The following AAR2 variants were observed in gnomAD, a reference collection of about 807,000 sequenced individuals.
AAR2 encodes the protein protein AAR2 homolog.
Under a neutral mutation model 26.9 loss-of-function variants are expected in AAR2, and 31 were observed. The ratio of observed to expected loss-of-function variants is 1.15; its 90% CI spans 0.86 to 1.55. The LOEUF is 1.55. AAR2 is among the 40% of genes most tolerant of loss of function. The pLI is 0.00. For missense variants in AAR2, 430 were observed against 491.3 expected (o/e 0.88, Z 1.18); for synonymous variants, 188 against 196.1 (o/e 0.96, Z 0.34).
intron 1 of AAR2, 73 bp from the exon 2 acceptor site, chr20:36,239,736 TCAATATCTGGCA>T: frequency 9.3e-7 from 1 of 1,078,530 alleles, no homozygotes; most frequent in South Asian, 1.8e-5. Context: ...GGGGTCTAAC[TCAATATCTGGCA>T]CATACAGAAT....
intron 2 of AAR2, among the ~76,000 whole-genome samples, chr20:36,242,831 C>T (rs2064696946): frequency 6.8e-6 from 1 of 147,556 alleles, no homozygotes; most frequent in African/African-American, 2.5e-5. Flanking sequence ...GCGAAAAGGT[C>T]TGTTACAGGA....
intron 3 of AAR2, among the ~76,000 whole-genome samples, chr20:36,251,547 C>T (rs1292926652): frequency 1.3e-5 from 2 of 152,122 alleles, no homozygotes; most frequent in Non-Finnish European, 2.9e-5. Flanking sequence ...ATGGATTAAG[C>T]CTCTGTCAAG....
intron 1 of AAR2, among the ~76,000 whole-genome samples, chr20:36,238,076 G>A (rs1179868317): frequency 4.0e-5 from 6 of 151,842 alleles, no homozygotes; most frequent in African/African-American, 9.7e-5. Context: ...GAGCCACCAC[G>A]CCCGGCCTGT....
intron 2 of AAR2, among the ~76,000 whole-genome samples, chr20:36,242,908 A>T (rs1601176921): frequency 7.7e-6 from 1 of 129,080 alleles, no homozygotes; most frequent in South Asian, 2.4e-4. Context: ...CATGGGCTGG[A>T]GTACAGTGGC....
At chr20:36,247,983 C>G (rs1021538907) in intron 3 of AAR2, among the ~76,000 whole-genome samples, 5 of 152,220 alleles carry the variant, frequency 3.3e-5, no homozygotes, top group Non-Finnish European at 5.9e-5. Context: ...ATCATGCCAT[C>G]CAGCAGATCT....
intron 1 of AAR2, among the ~76,000 whole-genome samples, chr20:36,237,750 G>GTATTAT (rs71184090): frequency 0.11 from 14,797 of 138,970 alleles, 1,004 homozygotes; most frequent in East Asian, 0.17. Context: ...AAGATGATAC[G>GTATTAT]TATTATTATT....
chr20:36,253,947 G>A (rs2064799910), intron 3 of AAR2, among the ~76,000 whole-genome samples: 1 of 152,166 alleles, frequency 6.6e-6, no homozygotes, highest in African/African-American at 2.4e-5. Context: ...AAAATAACAG[G>A]CGTTGGCCAG....
intron 1 of AAR2, among the ~76,000 whole-genome samples, chr20:36,238,704 C>T (rs1284563818): frequency 2.0e-5 from 3 of 149,342 alleles, no homozygotes; most frequent in African/African-American, 2.5e-5. Flanking sequence ...TGTAGTGAGC[C>T]GAGATCACGC....
Position 36,240,129 on chromosome 20 carries a change from A to C in AAR2, c.261A>C (p.Thr87=). ...FFLSLHQRGL[T]VLRWSTLREE... is the part of the protein sequence containing the mutation. ...TTAGCCTGCACCAGCGGGGGCTGAC[A>C]GTGCTGCGCTGGAGCACACTCAGGG... is the stretch of plus-strand genomic sequence containing the variant. Residue 87 remains threonine, a synonymous_variant, in exon 2 of 4, where the codon ACA becomes ACC. Coordinates refer to ENST00000320849, the MANE Select transcript of AAR2 (RefSeq NM_001271874.2). The C allele has an allele frequency of 6.2e-7, 1 of 1,614,228 alleles. No homozygotes were observed. The highest frequency in any genetic ancestry group is 8.5e-7 in the Non-Finnish European group (1 of 1,180,038).
chr20:36,250,907 A>G (rs932807891), intron 3 of AAR2, among the ~76,000 whole-genome samples: 1 of 152,132 alleles, frequency 6.6e-6, no homozygotes, highest in African/African-American at 2.4e-5. Flanking sequence ...TTAAGAAGAA[A>G]AAAAAAATAC....
chr20:36,255,183 G>A (rs1436969140), intron 3 of AAR2, among the ~76,000 whole-genome samples: 1 of 152,236 alleles, frequency 6.6e-6, no homozygotes, highest in Admixed American at 6.5e-5. Flanking sequence ...ATTCAGTCGT[G>A]TTGGCTTGGG....
intron 3 of AAR2, among the ~76,000 whole-genome samples, chr20:36,249,220 T>C (rs962244482): frequency 6.6e-6 from 1 of 152,216 alleles, no homozygotes; most frequent in South Asian, 2.1e-4. Flanking sequence ...CCCTTTTGAA[T>C]AGAAGCCACT....
At chr20:36,247,395 T>C (rs1038327558) in intron 3 of AAR2, among the ~76,000 whole-genome samples, 12 of 152,096 alleles carry the variant, frequency 7.9e-5, no homozygotes, top group Non-Finnish European at 1.5e-4. Context: ...TGGCTCCTCA[T>C]TGCGTGGAAA....
intron 2 of AAR2, among the ~76,000 whole-genome samples, chr20:36,243,890 G>A (rs2064707930): frequency 6.6e-6 from 1 of 152,230 alleles, no homozygotes; most frequent in African/African-American, 2.4e-5. Context: ...TGGCTCCAGA[G>A]CCCATGCTCT....
intron 2 of AAR2, among the ~76,000 whole-genome samples, chr20:36,242,410 A>G (rs1198025728): frequency 6.8e-6 from 1 of 146,088 alleles, no homozygotes; most frequent in Non-Finnish European, 1.5e-5. Context: ...GTTGTTGTTG[A>G]GACGGAGTCT....
At chr20:36,248,557 C>T (rs2064756484) in intron 3 of AAR2, among the ~76,000 whole-genome samples, 2 of 152,082 alleles carry the variant, frequency 1.3e-5, no homozygotes, top group East Asian at 1.9e-4. Context: ...AGGCTGGTCT[C>T]GAACTCCTGA....
At chr20:36,247,512 T>C (rs1268000844) in intron 3 of AAR2, among the ~76,000 whole-genome samples, 1 of 152,134 alleles carries the variant, frequency 6.6e-6, no homozygotes, top group East Asian at 1.9e-4. Flanking sequence ...CCAGCAACAG[T>C]GGTCTCTTTG....
chr20:36,236,594 G>A (rs2064608333), intron 1 of AAR2, 91 bp downstream of exon 1: 1 of 152,278 alleles, frequency 6.6e-6, no homozygotes, highest in Non-Finnish European at 1.5e-5. Context: ...GAGTCACGGA[G>A]TGCCTTGAAC....
rs569642268 is a variant in AAR2, at chr20:36,248,154, A to G, written c.987+3228A>G. On this transcript the variant is annotated intron_variant, in intron 3 of 3. Coordinates refer to ENST00000320849, the MANE Select transcript of AAR2 (RefSeq NM_001271874.2). The stretch of plus-strand genomic sequence containing the variant: ...AGCCATCCCTCCTCTCTCTGTCTCA[A>G]TCTCTGTCTCTCTTTCACTCTCCCC... Among the ~76,000 whole-genome samples, 5 of 151,702 alleles carry G rather than the reference A, an allele frequency of 3.3e-5. No homozygotes were observed. The East Asian group carries it at 7.8e-4, about 24-fold the overall frequency.
Sources: allele counts gnomAD v4.1 joint callset (sites outside exome capture counted in the v4.1 genomes callset), GRCh38; gene constraint gnomAD v4.1.1; transcripts MANE v1.5; gene names NCBI Gene and HGNC (gene_info 2026-07-23, HGNC 2026-07-21).